ZC3H12B: variants seen among roughly 807,000 people sequenced by gnomAD.
ZC3H12B encodes probable ribonuclease ZC3H12B.
Under a neutral mutation model 43.9 loss-of-function variants are expected in ZC3H12B, and 7 were observed. That is an observed-to-expected ratio of 0.16 (90% confidence interval 0.09 to 0.30). The LOEUF is 0.30. Ranked by LOEUF, ZC3H12B falls within the 10% of genes least tolerant of loss-of-function variation. The probability of loss-of-function intolerance (pLI) is 1.00; values close to 1 mark genes in which losing one functional copy is unlikely to be tolerated. For synonymous variants in ZC3H12B, 222 were observed against 241.7 expected (o/e 0.92, Z 0.76); for missense variants, 475 against 670.2 (o/e 0.71, Z 3.22).
At chrX:65,406,797 G>A (rs1243960869) in intron 3 of ZC3H12B, among the ~76,000 whole-genome samples, 1 of 112,512 alleles carries the variant, frequency 8.9e-6, no homozygotes, top group Non-Finnish European at 1.9e-5. Flanking sequence ...GGAGGCAGCC[G>A]ACTGCGCCAC....
At chrX:65,374,148 TAC>T (rs1377872256) in intron 2 of ZC3H12B, among the ~76,000 whole-genome samples, 1 of 74,288 alleles carries the variant, frequency 1.3e-5, no homozygotes, top group African/African-American at 6.3e-5. Context: ...TAACTATATA[TAC>T]AGTGTATATA....
chrX:65,141,360 T>C, the ZC3H12B span, among the ~76,000 whole-genome samples: 1 of 110,050 alleles, frequency 9.1e-6, no homozygotes, highest in African/African-American at 3.3e-5. Context: ...TATAATAATT[T>C]ATTAATATAA....
chrX:65,348,772 A>G, the ZC3H12B span, among the ~76,000 whole-genome samples: 76 of 111,392 alleles, frequency 6.8e-4, no homozygotes, highest in African/African-American at 2.4e-3. Flanking sequence ...GAGGAAAAAG[A>G]AGAGCATTAT....
the ZC3H12B span, among the ~76,000 whole-genome samples, chrX:65,175,179 C>T: frequency 1.1e-4 from 12 of 111,431 alleles, no homozygotes; most frequent in Admixed American, 5.7e-4. Context: ...ACACCCCACC[C>T]TGCTTCTGCT....
At chrX:65,244,693 G>A in the ZC3H12B span, among the ~76,000 whole-genome samples, 5 of 75,814 alleles carry the variant, frequency 6.6e-5, no homozygotes, top group Admixed American at 1.1e-3. Context: ...CTGCACTGCT[G>A]CACACCAGAC....
the ZC3H12B span, among the ~76,000 whole-genome samples, chrX:65,118,654 TTTG>T: frequency 1.8e-5 from 2 of 110,766 alleles, no homozygotes; most frequent in African/African-American, 6.6e-5. Flanking sequence ...TTTCTTTTTT[TTTG>T]TTTTTTATTA....
chrX:65,206,170 T>G, the ZC3H12B span, among the ~76,000 whole-genome samples: 4 of 111,666 alleles, frequency 3.6e-5, no homozygotes, highest in African/African-American at 1.3e-4. Flanking sequence ...CATCCTAAAA[T>G]TCATGTGGAA....
chrX:65,156,070 C>A, the ZC3H12B span, among the ~76,000 whole-genome samples: 1 of 110,405 alleles, frequency 9.1e-6, no homozygotes, highest in Non-Finnish European at 1.9e-5. Context: ...CAAGTTGGGT[C>A]TTTATAGAAA....
chrX:65,248,350 G>A, the ZC3H12B span, among the ~76,000 whole-genome samples: 1 of 111,408 alleles, frequency 9.0e-6, no homozygotes, highest in East Asian at 2.8e-4. Context: ...TTAGAAAGGA[G>A]TATTTGGGAA....
intron 3 of ZC3H12B, among the ~76,000 whole-genome samples, chrX:65,410,247 A>T (rs911685133): frequency 1.8e-5 from 2 of 111,568 alleles, no homozygotes; most frequent in Admixed American, 1.9e-4. Flanking sequence ...GTGCAGGAAA[A>T]ACTAGATATC....
At chrX:65,345,277 C>G in the ZC3H12B span, among the ~76,000 whole-genome samples, 118 of 111,998 alleles carry the variant, frequency 1.1e-3, no homozygotes, top group African/African-American at 3.7e-3. Flanking sequence ...TTCACAATAA[C>G]AAAGACGTGG....
chrX:65,072,174 C>T, the ZC3H12B span, among the ~76,000 whole-genome samples: 8 of 111,944 alleles, frequency 7.1e-5, no homozygotes, highest in South Asian at 3.0e-3. Flanking sequence ...GTATTCTTTT[C>T]TGACTGTCTT....
intron 2 of ZC3H12B, among the ~76,000 whole-genome samples, chrX:65,388,415 T>G (rs2066561599): frequency 1.8e-5 from 2 of 112,392 alleles, no homozygotes; most frequent in African/African-American, 3.2e-5. Context: ...TGATACTTTT[T>G]CTTCCAGTTG....
the ZC3H12B span, among the ~76,000 whole-genome samples, chrX:65,247,080 T>G: frequency 9.1e-6 from 1 of 109,587 alleles, no homozygotes; most frequent in African/African-American, 3.5e-5. Context: ...CGTTATAAAG[T>G]GGGCAAAGAA....
chrX:65,195,415 G>A, the ZC3H12B span, among the ~76,000 whole-genome samples: 3 of 111,816 alleles, frequency 2.7e-5, no homozygotes, highest in Non-Finnish European at 1.9e-5. Context: ...GGCACTGATT[G>A]TATAAACCAA....
At chrX:65,363,962 C>T (rs1251870392), upstream of ZC3H12B, among the ~76,000 whole-genome samples, 5 of 111,103 alleles carry the variant, frequency 4.5e-5, no homozygotes, top group Admixed American at 9.6e-5. Context: ...GACTTCAATT[C>T]GGCCTCCCAC....
At chrX:65,154,225 T>A in the ZC3H12B span, among the ~76,000 whole-genome samples, 3 of 112,012 alleles carry the variant, frequency 2.7e-5, no homozygotes, top group East Asian at 8.4e-4. Flanking sequence ...AAACTTAAAG[T>A]ACAATAATAA....
At chrX:65,364,493 C>G (rs776241345), upstream of ZC3H12B, among the ~76,000 whole-genome samples, 140 of 110,149 alleles carry the variant, frequency 1.3e-3, 1 homozygote, top group African/African-American at 4.6e-3. Flanking sequence ...AGTGCTTATG[C>G]TGATAATGTA....
chrX:65,442,253 G>A (rs1051672285), intron 3 of ZC3H12B, among the ~76,000 whole-genome samples: 1 of 109,640 alleles, frequency 9.1e-6, no homozygotes, highest in Middle Eastern at 4.7e-3. Context: ...GAGCAGCCTG[G>A]CAATCGGGAT....
Sources: gnomAD v4.1 joint callset for allele counts (sites outside exome capture counted in the v4.1 genomes callset) on GRCh38, gnomAD v4.1.1 for gene constraint, MANE v1.5 for transcripts, NCBI Gene and HGNC (gene_info 2026-07-23, HGNC 2026-07-21) for gene names.